The following KCNN2 variants were observed in gnomAD, a reference collection of about 807,000 sequenced individuals.
KCNN2 encodes small conductance calcium-activated potassium channel protein 2.
Under a neutral mutation model 55.5 loss-of-function variants are expected in KCNN2, and 24 were observed. The observed-to-expected ratio is 0.43, with a 90% CI of 0.31 to 0.61. The LOEUF (loss-of-function observed/expected upper bound fraction) is 0.61, where lower values mean the gene tolerates loss of function less well. KCNN2 is among the 20% of genes least tolerant of loss of function. The pLI is 0.08. For missense variants in KCNN2, 754 were observed against 853.6 expected (o/e 0.88, Z 1.45); for synonymous variants, 431 against 336.1 (o/e 1.28, Z -3.09).
chr5:114,108,693 T>C (rs941325890), intron 1 of KCNN2, among the ~76,000 whole-genome samples: 3 of 152,134 alleles, frequency 2.0e-5, no homozygotes, highest in Admixed American at 6.6e-5. Flanking sequence ...GTTGCATGTA[T>C]CAGTAGTTTC....
At chr5:114,184,600 T>C (rs1008737506) in intron 1 of KCNN2, among the ~76,000 whole-genome samples, 7 of 152,216 alleles carry the variant, frequency 4.6e-5, no homozygotes, top group African/African-American at 1.7e-4. Flanking sequence ...GTGTTAAGAA[T>C]GCTGGATTAT....
At chr5:114,123,632 G>A (rs1363395037) in intron 1 of KCNN2, among the ~76,000 whole-genome samples, 1 of 63,844 alleles carries the variant, frequency 1.6e-5, no homozygotes, top group East Asian at 2.0e-4. Context: ...CAAAGTGCTG[G>A]GATTACAGGC....
At chr5:114,221,416 T>G (rs763503697) in intron 1 of KCNN2, among the ~76,000 whole-genome samples, 1 of 152,192 alleles carries the variant, frequency 6.6e-6, no homozygotes, top group Admixed American at 6.5e-5. Flanking sequence ...AATACAAAGC[T>G]ATTATTTAAA....
At chr5:114,197,591 C>A (rs1316726342) in intron 1 of KCNN2, among the ~76,000 whole-genome samples, 1 of 152,152 alleles carries the variant, frequency 6.6e-6, no homozygotes. Context: ...GTAGAGCTTC[C>A]TCCTTACAAA....
intron 2 of KCNN2, among the ~76,000 whole-genome samples, chr5:114,263,668 T>C (rs1404422459): frequency 6.6e-6 from 1 of 152,160 alleles, no homozygotes; most frequent in African/African-American, 2.4e-5. Context: ...TTATAAAATA[T>C]AGAAAATTTG....
intron 1 of KCNN2, among the ~76,000 whole-genome samples, chr5:114,202,778 G>C (rs1471031603): frequency 6.6e-6 from 1 of 151,538 alleles, no homozygotes; most frequent in Non-Finnish European, 1.5e-5. Context: ...AGTAGAGATG[G>C]GGTTTCACCG....
chr5:114,379,196 C>T (rs1253571507), intron 2 of KCNN2, among the ~76,000 whole-genome samples: 1 of 151,902 alleles, frequency 6.6e-6, no homozygotes, highest in African/African-American at 2.4e-5. Flanking sequence ...CCACTGTCCA[C>T]CTGGGGCCCC....
At chr5:114,237,311 C>T (rs1372127201) in intron 2 of KCNN2, among the ~76,000 whole-genome samples, 1 of 120,020 alleles carries the variant, frequency 8.3e-6, no homozygotes, top group Non-Finnish European at 2.0e-5. Context: ...CACTCACACA[C>T]CCCACAGAAA....
chr5:114,320,003 A>G (rs758041452), intron 2 of KCNN2, among the ~76,000 whole-genome samples: 1 of 152,220 alleles, frequency 6.6e-6, no homozygotes, highest in Non-Finnish European at 1.5e-5. Flanking sequence ...CTTGAAGCTC[A>G]TGGGAATTGT....
intron 6 of KCNN2, among the ~76,000 whole-genome samples, chr5:114,492,864 T>G (rs777920552): frequency 6.6e-6 from 1 of 151,564 alleles, no homozygotes; most frequent in Non-Finnish European, 1.5e-5. Flanking sequence ...TTTTGTGTTA[T>G]ATTGCTGCTG....
intron 1 of KCNN2, among the ~76,000 whole-genome samples, chr5:114,189,238 T>C (rs1753400905): frequency 6.6e-6 from 1 of 151,902 alleles, no homozygotes; most frequent in African/African-American, 2.4e-5. Context: ...ATCTGCAGTC[T>C]GCCAGGCAGA....
intron 2 of KCNN2, among the ~76,000 whole-genome samples, chr5:114,240,291 G>A (rs1007324475): frequency 2.0e-5 from 3 of 151,828 alleles, no homozygotes; most frequent in African/African-American, 7.3e-5. Flanking sequence ...AAGAATTGGT[G>A]AAATTCATTT....
At chr5:114,212,691 T>C (rs1753913187) in intron 1 of KCNN2, among the ~76,000 whole-genome samples, 1 of 152,016 alleles carries the variant, frequency 6.6e-6, no homozygotes, top group African/African-American at 2.4e-5. Context: ...CCAAAATGAC[T>C]GGAAGGACAT....
intron 1 of KCNN2, among the ~76,000 whole-genome samples, chr5:114,100,898 A>G (rs765668719): frequency 5.3e-5 from 8 of 151,994 alleles, no homozygotes; most frequent in Admixed American, 6.6e-5. Flanking sequence ...GTTAAGAAGA[A>G]TATAAGTCCA....
At chr5:114,449,670 A>G (rs1760566104) in intron 3 of KCNN2, among the ~76,000 whole-genome samples, 1 of 152,218 alleles carries the variant, frequency 6.6e-6, no homozygotes, top group South Asian at 2.1e-4. Flanking sequence ...CAAGTGAACA[A>G]GACCCTGACT....
At chr5:114,129,122 A>G (rs2974467) in intron 1 of KCNN2, among the ~76,000 whole-genome samples, 11,530 of 152,158 alleles carry the variant, frequency 0.076, 1,460 homozygotes, top group African/African-American at 0.26. Flanking sequence ...ATGGAGTCAG[A>G]AGGATAGAGT....
At chr5:114,185,171 A>G (rs189087295) in intron 1 of KCNN2, among the ~76,000 whole-genome samples, 157 of 152,378 alleles carry the variant, frequency 1.0e-3, no homozygotes, top group Admixed American at 1.8e-3. Context: ...GGAAAAGTGT[A>G]GAACTAGGAG....
intron 5 of KCNN2, among the ~76,000 whole-genome samples, chr5:114,483,309 T>G (rs1762312856): frequency 6.7e-6 from 1 of 149,294 alleles, no homozygotes; most frequent in South Asian, 2.1e-4. Flanking sequence ...CGGAGTCGCT[T>G]TGTCACCCAG....
chr5:114,383,735 T>A (rs1213749028), intron 2 of KCNN2, among the ~76,000 whole-genome samples: 3 of 152,182 alleles, frequency 2.0e-5, no homozygotes. Context: ...CCCAAAGTGC[T>A]GGGATTACAG....
Sources: allele counts gnomAD v4.1 joint callset (sites outside exome capture counted in the v4.1 genomes callset), GRCh38; gene constraint gnomAD v4.1.1; transcripts MANE v1.5; gene names NCBI Gene and HGNC (gene_info 2026-07-23, HGNC 2026-07-21).